Variants in ING3 observed in about 807,000 individuals in gnomAD.
The protein encoded by ING3 is inhibitor of growth family member 3, also known as inhibitor of growth protein 3.
A neutral mutation model predicts 64.8 loss-of-function variants in ING3; 6 were observed. That is an observed-to-expected ratio of 0.09 (90% CI 0.05 to 0.18). ING3 has a LOEUF of 0.18. Ranked by LOEUF, ING3 falls within the 10% of genes least tolerant of loss-of-function variation. The probability of loss-of-function intolerance (pLI) is 1.00; values close to 1 mark genes in which losing one functional copy is unlikely to be tolerated. For synonymous variants in ING3, 170 were observed against 173.7 expected (o/e 0.98, Z 0.17); for missense variants, 310 against 489.7 (o/e 0.63, Z 3.46).
At chr7:120,952,784 A>G (rs927738762) in intron 2 of ING3, among the ~76,000 whole-genome samples, 7 of 151,842 alleles carry the variant, frequency 4.6e-5, no homozygotes, top group Admixed American at 1.3e-4. Flanking sequence ...CAGACATCCA[A>G]TGAGATGATT....
At position 120,951,147 on chromosome 7, in the gene ING3, G is replaced by T. The variant is rs752278803; in HGVS notation, c.29-17G>T. ...CGCCGTTGGCCCCGCCCCTCTGACG[G>T]ACTCTCCCTTTGACAGTGATTGAGC... On this transcript the variant is annotated splice_polypyrimidine_tract_variant and intron_variant, in intron 1 of 11. Transcript: ENST00000315870. The T allele has an allele frequency of 1.9e-6, 3 of 1,613,900 alleles. No individual in the cohort carries two copies. In the East Asian group the frequency reaches 6.7e-5, roughly 36 times the overall value.
Position 120,976,804 on chromosome 7 carries a change from A to T in ING3, c.*1960A>T, listed in dbSNP as rs1383140987. 1 of 152,158 alleles carries T rather than the reference A, an allele frequency of 6.6e-6. No individual in the cohort carries two copies. The highest frequency in any genetic ancestry group is 1.5e-5 in the Non-Finnish European group (1 of 68,024). The allele number at this position is 152,158 out of a possible 1,614,324, so 9.4% of individuals were successfully genotyped here. ...CCACTCCTTACCAAATCACTTAGAA[A>T]ACACTTTGACAAGTTTTAAACTCAA... is the stretch of plus-strand genomic sequence containing the variant. On this transcript the variant is annotated 3_prime_UTR_variant, in exon 12 of 12. Coordinates refer to ENST00000315870, the MANE Select transcript of ING3 (RefSeq NM_019071.3).
chr7:120,955,563 A>G lies in ING3; in HGVS notation c.206A>G (p.Tyr69Cys). The change falls in exon 4 of 12, where the codon TAC becomes TGC. Residue 69 changes from tyrosine (Y) to cysteine (C), a missense_variant. Transcript: ENST00000315870. Reference protein sequence around the residue: ...EEQMASIKKDYYKALEDADEK... With the variant: ...EEQMASIKKDCYKALEDADEK... ...AATGAAAATGTTTTCATTCAGGACTACTATAAAGCTTTGGAAGATGCAGAT... is the reference window on the plus strand; with the variant it reads ...AATGAAAATGTTTTCATTCAGGACTGCTATAAAGCTTTGGAAGATGCAGAT... The G allele has an allele frequency of 6.2e-7, 1 of 1,603,852 alleles. No homozygotes were observed. Among genetic ancestry groups the G allele is most frequent in the Non-Finnish European group, 8.5e-7 (1 of 1,171,634 alleles).
In ING3 at chr7:120,974,853, C is replaced by T; in HGVS notation, c.*9C>T. On this transcript the variant is annotated 3_prime_UTR_variant, in exon 12 of 12. Transcript: ENST00000315870. ...GCAGCAGACACAAATAAAGGTGGTC[C>T]TTTTGTTTGATGAAGAAATAAACTT... The T allele has an allele frequency of 6.4e-7, 1 of 1,564,804 alleles. No homozygotes were observed. Among genetic ancestry groups the T allele is most frequent in the South Asian group, 1.1e-5 (1 of 87,100 alleles).
At chr7:120,971,776 C>T (rs1188970083) in intron 10 of ING3, among the ~76,000 whole-genome samples, 9 of 152,168 alleles carry the variant, frequency 5.9e-5, no homozygotes, top group South Asian at 4.1e-4. Context: ...CCATTTTATA[C>T]ATCTAATTTC....
rs564391533 is a variant in ING3 at position 120,970,562 on chromosome 7, G to A, written c.909-126G>A. ...TACAATTTAAGTCATTGGTAAATCC[G>A]GATTACTTTAGCTTACACTTTAATT... On this transcript the variant is annotated intron_variant, in intron 9 of 11. Coordinates refer to ENST00000315870, the MANE Select transcript of ING3 (RefSeq NM_019071.3). 34 of 925,504 alleles carry A rather than the reference G, an allele frequency of 3.7e-5. No homozygotes were observed. In the South Asian group the frequency reaches 4.7e-4, roughly 13 times the overall value. The allele number at this position is 925,504 out of a possible 1,614,324, so 57.3% of individuals were successfully genotyped here.
chr7:120,968,882 T>C, intron 8 of ING3, 129 bp from the exon 9 acceptor site: 1 of 517,184 alleles, frequency 1.9e-6, no homozygotes, highest in Non-Finnish European at 3.1e-6. Context: ...ATTCCAGTGA[T>C]GAAAATAATA....
intron 4 of ING3, chr7:120,957,013 C>G: frequency 3.3e-6 from 1 of 306,512 alleles, no homozygotes; most frequent in Non-Finnish European, 4.8e-6. Context: ...ATTTAAAAAC[C>G]ACACTGTTCA....
At chr7:120,966,924 C>T (rs748404290) in intron 6 of ING3, among the ~76,000 whole-genome samples, 2 of 152,000 alleles carry the variant, frequency 1.3e-5, no homozygotes, top group Non-Finnish European at 2.9e-5. Context: ...ATGTATAGTA[C>T]TAATAGCATA....
Position 120,951,059 on chromosome 7 carries a change from T to C in ING3, c.29-105T>C, listed in dbSNP as rs537100843. On this transcript the variant is annotated intron_variant, in intron 1 of 11. Coordinates refer to ENST00000315870, the MANE Select transcript of ING3 (RefSeq NM_019071.3). ...TTTCTCACGGTAACTGGCAGCCTCG[T>C]TGTGGGCTGCCGGCCCCCTCGACCC... The C allele has an allele frequency of 1.1e-5, 16 of 1,504,054 alleles. No homozygotes were observed. The East Asian group carries it at 3.4e-4, about 32-fold the overall frequency. 93.2% of individuals were successfully genotyped at this position (1,504,054 alleles called of 1,614,324 possible). A position where few individuals can be genotyped will look rare whatever the true frequency, so the allele number is the denominator to read the frequency against.
At position 120,957,694 on chromosome 7, in the gene ING3, A is replaced by G. The variant is rs144946062; in HGVS notation, c.267+2070A>G. ...ATGGCATAAACAGAAGGAAAGTACAAATTCAGAAATTAATTGAGAAGGGAT... is the reference window on the plus strand; with the variant it reads ...ATGGCATAAACAGAAGGAAAGTACAGATTCAGAAATTAATTGAGAAGGGAT... On this transcript the variant is annotated intron_variant, in intron 4 of 11. Transcript: ENST00000315870. 4.1e-3 allele frequency among the ~76,000 whole-genome samples: 630 copies of G among 152,342 alleles called. 2 individuals are homozygous for G. Among genetic ancestry groups the G allele is most frequent in the Middle Eastern group, 0.02 (6 of 294 alleles).
intron 9 of ING3, among the ~76,000 whole-genome samples, chr7:120,969,616 G>C (rs1019375573): frequency 6.6e-6 from 1 of 151,560 alleles, no homozygotes; most frequent in Non-Finnish European, 1.5e-5. Context: ...CAGCAAGCAA[G>C]GCGTCTTCAT....
chr7:120,957,278 A>G (rs982586589), intron 4 of ING3, among the ~76,000 whole-genome samples: 1 of 151,566 alleles, frequency 6.6e-6, no homozygotes, highest in Non-Finnish European at 1.5e-5. Flanking sequence ...AGGCCGAGAC[A>G]GGAGAATGGC....
intron 10 of ING3, among the ~76,000 whole-genome samples, chr7:120,971,181 A>G (rs151066326): frequency 1.6e-3 from 249 of 152,334 alleles, no homozygotes; most frequent in African/African-American, 5.8e-3. Flanking sequence ...AGCTTAAACA[A>G]CAGAAAATAA....
chr7:120,960,119 A>G (rs576722358), intron 4 of ING3, among the ~76,000 whole-genome samples: 1 of 152,200 alleles, frequency 6.6e-6, no homozygotes, highest in Non-Finnish European at 1.5e-5. Flanking sequence ...AAAATAAGAA[A>G]GAACCACCTG....
chr7:120,960,850 C>G (rs914359535), intron 4 of ING3, among the ~76,000 whole-genome samples: 1 of 152,154 alleles, frequency 6.6e-6, no homozygotes, highest in East Asian at 1.9e-4. Context: ...ATTTGTGTTT[C>G]TCAGCCAGAT....
intron 3 of ING3, 149 bp from the exon 4 acceptor site, chr7:120,955,410 C>T: frequency 1.7e-6 from 1 of 580,832 alleles, no homozygotes; most frequent in South Asian, 2.2e-5. Flanking sequence ...AGGCGTGAGC[C>T]ACTGCCCCTG....
intron 11 of ING3, 60 bp from the exon 12 acceptor site, chr7:120,974,668 A>G: frequency 1.1e-6 from 1 of 899,268 alleles, no homozygotes; most frequent in Non-Finnish European, 1.9e-6. Context: ...AGCATATTTT[A>G]ATATACTCTC....
chr7:120,970,743 T>G lies in ING3; in HGVS notation c.964T>G (p.Leu322Val). ...ATCATCTTCCTCCTCCTCTTCTTCC[T>G]TATCATCGTGTTCTTCATCATCAAC... ...QSSSSSSSSSLSSCSSSSTVV... is the reference protein window; with the variant it reads ...QSSSSSSSSSVSSCSSSSTVV... Residue 322 changes from leucine (L) to valine (V), a missense_variant, in exon 10 of 12, where the codon TTA becomes GTA. This residue lies in a region of ING3 where 233 missense variants were observed against 289.4 expected (regional missense o/e 0.81). Transcript: ENST00000315870. The G allele has an allele frequency of 1.2e-6, 2 of 1,613,074 alleles. No individual in the cohort carries two copies. Among genetic ancestry groups the G allele is most frequent in the Non-Finnish European group, 1.7e-6 (2 of 1,179,076 alleles).
Sources: gnomAD v4.1 joint callset for allele counts (sites outside exome capture counted in the v4.1 genomes callset) on GRCh38, gnomAD v4.1.1 for gene constraint, gnomAD v4.1.1 regional missense constraint, MANE v1.5 for transcripts, NCBI Gene and HGNC (gene_info 2026-07-23, HGNC 2026-07-21) for gene names.